Variants in PELI2 observed in about 807,000 individuals in gnomAD.
The protein encoded by PELI2 is E3 ubiquitin-protein ligase pellino homolog 2.
Under a neutral mutation model 42.3 loss-of-function variants are expected in PELI2, and 23 were observed. That is an observed-to-expected ratio of 0.54 (90% confidence interval 0.39 to 0.77). The LOEUF (loss-of-function observed/expected upper bound fraction) is 0.77, where lower values mean the gene tolerates loss of function less well. Among genes scored for constraint, PELI2 ranks in the 30% least tolerant of loss-of-function variants. PELI2 has a pLI of 0.00. For missense variants in PELI2, 463 were observed against 553.2 expected, an observed-to-expected ratio of 0.84 and a Z score of 1.64; for synonymous variants, 245 against 212.2, an observed-to-expected ratio of 1.15 and a Z score of -1.34.
intron 2 of PELI2, among the ~76,000 whole-genome samples, chr14:56,266,958 A>C (rs1236088272): frequency 6.6e-6 from 1 of 152,094 alleles, no homozygotes; most frequent in East Asian, 1.9e-4. Flanking sequence ...GAAGCAGGGA[A>C]CAGAACATTG....
chr14:56,259,333 A>G (rs1375348495), intron 2 of PELI2, among the ~76,000 whole-genome samples: 1 of 152,128 alleles, frequency 6.6e-6, no homozygotes, highest in Non-Finnish European at 1.5e-5. Context: ...CTTCTTTCTT[A>G]TTTTTGATCT....
intron 1 of PELI2, among the ~76,000 whole-genome samples, chr14:56,163,896 A>G (rs1216561170): frequency 3.3e-5 from 5 of 152,104 alleles, no homozygotes; most frequent in Non-Finnish European, 2.9e-5. Flanking sequence ...TGACTTTTGT[A>G]TGTTGATTTT....
In PELI2 at chr14:56,297,462, GTT is replaced by G. The variant is rs55742644; in HGVS notation, c.*308_*309del. On this transcript the variant is annotated 3_prime_UTR_variant, in exon 6 of 6. Coordinates refer to ENST00000267460, the MANE Select transcript of PELI2 (RefSeq NM_021255.3). Reference sequence around the variant, plus strand: ...TTTTTAACCTTGGGTTTTTAACCAAGTTTTTTTTTTTTTGTAATCTTGGACAA... The same window carrying G: ...TTTTTAACCTTGGGTTTTTAACCAAGTTTTTTTTTTTGTAATCTTGGACAA... 24 of 225,034 alleles carry G rather than the reference GTT, an allele frequency of 1.1e-4. No individual in the cohort carries two copies. Among genetic ancestry groups the G allele is most frequent in the Middle Eastern group, 1.5e-3 (1 of 656 alleles). The allele number at this position is 225,034 out of a possible 1,614,324, so 13.9% of individuals were successfully genotyped here.
At chr14:56,258,779 A>G (rs1888610491) in intron 2 of PELI2, among the ~76,000 whole-genome samples, 1 of 152,162 alleles carries the variant, frequency 6.6e-6, no homozygotes, top group African/African-American at 2.4e-5. Context: ...CTAGAAAGAT[A>G]AGTGGAGGTA....
intron 1 of PELI2, among the ~76,000 whole-genome samples, chr14:56,157,302 G>A (rs1884603525): frequency 6.6e-6 from 1 of 152,006 alleles, no homozygotes; most frequent in Admixed American, 6.5e-5. Context: ...AGAGTGCTTC[G>A]ATTTCTTAAA....
At chr14:56,243,544 T>G (rs1888051785) in intron 2 of PELI2, among the ~76,000 whole-genome samples, 1 of 152,148 alleles carries the variant, frequency 6.6e-6, no homozygotes, top group Admixed American at 6.6e-5. Flanking sequence ...TTGTGAAGAG[T>G]AAATCAGTTA....
At chr14:56,218,850 ACT>A (rs762934014) in intron 2 of PELI2, among the ~76,000 whole-genome samples, 2 of 152,258 alleles carry the variant, frequency 1.3e-5, no homozygotes, top group East Asian at 3.9e-4. Context: ...TGTAGAGTGC[ACT>A]CTGATTCACA....
intron 1 of PELI2, 108 bp downstream of exon 1, chr14:56,118,845 G>A (rs1882949993): frequency 8.0e-6 from 5 of 624,176 alleles, no homozygotes; most frequent in African/African-American, 2.0e-5. Flanking sequence ...CCGCCGGGGC[G>A]CTCGGGGCGG....
chr14:56,289,503 T>C (rs971229533), intron 4 of PELI2, among the ~76,000 whole-genome samples: 2 of 152,138 alleles, frequency 1.3e-5, no homozygotes, highest in Admixed American at 6.5e-5. Context: ...CAAGAAGATA[T>C]CATGTGTCAT....
intron 2 of PELI2, among the ~76,000 whole-genome samples, chr14:56,199,623 C>A (rs1229492487): frequency 6.6e-6 from 1 of 152,160 alleles, no homozygotes; most frequent in Non-Finnish European, 1.5e-5. Flanking sequence ...TTAGTGAAAA[C>A]CCCCTGATAA....
intron 2 of PELI2, among the ~76,000 whole-genome samples, chr14:56,233,133 T>TG (rs1887646815): frequency 6.6e-6 from 1 of 152,218 alleles, no homozygotes; most frequent in African/African-American, 2.4e-5. Flanking sequence ...GAACATTCCA[T>TG]GCTCATGGAT....
chr14:56,122,992 A>AG (rs1883118578), intron 1 of PELI2, among the ~76,000 whole-genome samples: 1 of 152,182 alleles, frequency 6.6e-6, no homozygotes, highest in South Asian at 2.1e-4. Flanking sequence ...GCACAAAAAG[A>AG]GGGTAAGAAC....
At chr14:56,120,420 G>A (rs7149660) in intron 1 of PELI2, among the ~76,000 whole-genome samples, 61,598 of 152,124 alleles carry the variant, frequency 0.4, 14,813 homozygotes, top group Admixed American at 0.57. Context: ...TTCATAGCTG[G>A]AAGTGCAGGG....
rs762997715 is a variant in PELI2, at chr14:56,199,871, G to T, written c.207+21407G>T. 3.3e-5 allele frequency among the ~76,000 whole-genome samples: 5 copies of T among 152,336 alleles called. No homozygotes were observed. The East Asian group carries it at 9.6e-4, about 29-fold the overall frequency. ...TATGGTTGTGCCATATACACAGGTG[G>T]TGCTCAATAAATCTTTGTTGACTTG... On this transcript the variant is annotated intron_variant, in intron 2 of 5. Coordinates refer to ENST00000267460, the MANE Select transcript of PELI2 (RefSeq NM_021255.3).
chr14:56,267,003 G>A (rs551703633), intron 2 of PELI2, among the ~76,000 whole-genome samples: 1 of 152,130 alleles, frequency 6.6e-6, no homozygotes, highest in South Asian at 2.1e-4. Context: ...TGTGTATACT[G>A]TGCTGGTATA....
chr14:56,143,622 GT>G (rs200252111), intron 1 of PELI2, among the ~76,000 whole-genome samples: 3 of 152,272 alleles, frequency 2.0e-5, no homozygotes, highest in African/African-American at 7.2e-5. Context: ...TATTTATTCA[GT>G]TTTTTATATC....
intron 1 of PELI2, among the ~76,000 whole-genome samples, chr14:56,168,011 C>T (rs979085550): frequency 1.3e-5 from 2 of 152,224 alleles, no homozygotes; most frequent in African/African-American, 4.8e-5. Context: ...CTCTTACTTT[C>T]TCCCAGCCAT....
At chr14:56,119,086 C>G (rs117863831) in intron 1 of PELI2, 17,426 of 151,416 alleles carry the variant, frequency 0.12, 2,001 homozygotes, top group African/African-American at 0.3. Context: ...GCGTCCGGGC[C>G]GGGGAGGGCG....
At chr14:56,201,752 A>T (rs1162260768) in intron 2 of PELI2, among the ~76,000 whole-genome samples, 3 of 152,214 alleles carry the variant, frequency 2.0e-5, no homozygotes, top group African/African-American at 7.2e-5. Context: ...CCAATAATTC[A>T]GCAAGCTAAC....
Sources: gnomAD v4.1 joint callset for allele counts (sites outside exome capture counted in the v4.1 genomes callset) on GRCh38, gnomAD v4.1.1 for gene constraint, MANE v1.5 for transcripts, NCBI Gene and HGNC (gene_info 2026-07-23, HGNC 2026-07-21) for gene names.